Variants in EBNA1BP2 observed in about 807,000 individuals in gnomAD.
EBNA1BP2 encodes the protein probable rRNA-processing protein EBP2.
EBNA1BP2 carries 36 observed loss-of-function variants against 43.5 expected under a neutral mutation model. The ratio of observed to expected loss-of-function variants is 0.83; its 90% CI spans 0.63 to 1.09. The LOEUF (loss-of-function observed/expected upper bound fraction) is 1.09, where lower values mean the gene tolerates loss of function less well. EBNA1BP2 is among the 50% of genes least tolerant of loss of function. The pLI, the probability that EBNA1BP2 is intolerant of heterozygous loss-of-function variation, is 0.00. For missense variants in EBNA1BP2, 332 were observed against 379.1 expected, an observed-to-expected ratio of 0.88 and a Z score of 1.03; for synonymous variants, 127 against 141.3, an observed-to-expected ratio of 0.90 and a Z score of 0.72.
chr1:43,172,232 C>T lies in EBNA1BP2; in HGVS notation c.-114G>A. 1 of 1,568,844 alleles carries T rather than the reference C, an allele frequency of 6.4e-7. No individual in the cohort carries two copies. Among genetic ancestry groups the T allele is most frequent in the Non-Finnish European group, 8.7e-7 (1 of 1,156,006 alleles). On this transcript the variant is annotated 5_prime_UTR_variant, in exon 1 of 9. The change creates a new upstream start codon in the 5' untranslated region. Coordinates refer to ENST00000236051, the MANE Select transcript of EBNA1BP2 (RefSeq NM_006824.3). The stretch of plus-strand genomic sequence containing the variant: ...GCCTGCCTTCAGCCCCCTACTCCCA[C>T]GCCGTGGCTCCACGTGCCACCGAAT...
At chr1:43,169,385 C>T (rs1328505678) in intron 4 of EBNA1BP2, among the ~76,000 whole-genome samples, 1 of 152,176 alleles carries the variant, frequency 6.6e-6, no homozygotes, top group Non-Finnish European at 1.5e-5. Context: ...ATACCACATA[C>T]ACAATAAAAA....
At position 43,171,468 on chromosome 1, in the gene EBNA1BP2, A is replaced by G. The variant is rs762554797; in HGVS notation, c.323+11T>C. 1.9e-6 allele frequency: 3 copies of G among 1,596,142 alleles called. No individual in the cohort carries two copies. The South Asian group carries it at 3.4e-5, about 18-fold the overall frequency. On this transcript the variant is annotated intron_variant, in intron 3 of 8. Transcript: ENST00000236051. Reference sequence around the variant, plus strand: ...ATCCTCAACTTCTCCAACATTTGAAAACAAACATACAAACTCATCTCTCGC... The same window carrying G: ...ATCCTCAACTTCTCCAACATTTGAAGACAAACATACAAACTCATCTCTCGC...
At position 43,164,634 on chromosome 1, in the gene EBNA1BP2, C is replaced by T; in HGVS notation, c.870+9G>A. ...CCTGCTCCTCACCCGGGCACCTGGG[C>T]TCACTTACATTTGACCCTTTCTTGC... On this transcript the variant is annotated intron_variant, in intron 8 of 8. Transcript: ENST00000236051. 6.2e-7 allele frequency: 1 copy of T among 1,614,086 alleles called. No individual in the cohort carries two copies. Among genetic ancestry groups the T allele is most frequent in the East Asian group, 2.2e-5 (1 of 44,886 alleles).
chr1:43,164,933 A>C, intron 7 of EBNA1BP2, 128 bp from the exon 8 acceptor site: 479 of 1,148,776 alleles, frequency 4.2e-4, no homozygotes, highest in Non-Finnish European at 4.8e-4. Context: ...CCAGAATCTC[A>C]TCCTTGGCCC....
upstream of EBNA1BP2, chr1:43,172,344 G>A: frequency 6.4e-7 from 1 of 1,551,608 alleles, no homozygotes; most frequent in Non-Finnish European, 8.7e-7. Flanking sequence ...CCGGTTTGTC[G>A]TTGCTATAGG....
Position 43,164,478 on chromosome 1 carries a change from G to A in EBNA1BP2, c.886C>T (p.Arg296Ter), listed in dbSNP as rs369373223. 2.5e-5 allele frequency: 40 copies of A among 1,613,974 alleles called. No individual in the cohort carries two copies. The highest frequency in any genetic ancestry group is 1.6e-4 in the Middle Eastern group (1 of 6,084). ...CTGTTCTTCATCTTCTCTCTTGTTC[G>A]TTTTCCAGGTCTCTTCTACAGAAAA... ...KKGSNKRPGKRTREKMKNRTH is the reference protein window; with the variant it reads ...KKGSNKRPGK The change falls in exon 9 of 9, where the codon CGA becomes TGA. Residue 296 changes from arginine to a stop codon, truncating the protein, a stop_gained. Transcript: ENST00000236051. LOFTEE classifies it high-confidence loss of function.
At chr1:43,164,621 C>T in intron 8 of EBNA1BP2, 22 bp downstream of exon 8, 1 of 1,613,940 alleles carries the variant, frequency 6.2e-7, no homozygotes, top group Non-Finnish European at 8.5e-7. Context: ...TGCTCCTCAC[C>T]CGGGCACCTG....
In EBNA1BP2 at chr1:43,171,907, C is replaced by T. The variant is rs1323753293; in HGVS notation, c.129G>A (p.Pro43=). ...TCACCACGTCGTTCACGGCCTTCTT[C>T]GGCCCCTCTAGCACGACATTGAGGC... ...KPGLNVVLEG[P]KKAVNDVNGL... is the part of the protein sequence containing the mutation. Residue 43 remains proline (P), a synonymous_variant, in exon 2 of 9, where the codon CCG becomes CCA. Coordinates refer to ENST00000236051, the MANE Select transcript of EBNA1BP2 (RefSeq NM_006824.3). 1 of 1,614,128 alleles carries T rather than the reference C, an allele frequency of 6.2e-7. No homozygotes were observed.
intron 4 of EBNA1BP2, among the ~76,000 whole-genome samples, chr1:43,170,155 T>A (rs1427009267): frequency 6.6e-6 from 1 of 151,652 alleles, no homozygotes; most frequent in Non-Finnish European, 1.5e-5. Flanking sequence ...GAAAATTCAG[T>A]TTTCCTTTTG....
chr1:43,170,778 T>C lies in EBNA1BP2; in HGVS notation c.425A>G (p.Lys142Arg), dbSNP rs900982518. The C allele has an allele frequency of 1.9e-6, 3 of 1,607,648 alleles. No homozygotes were observed. The highest frequency in any genetic ancestry group is 2.5e-6 in the Non-Finnish European group (3 of 1,177,410). The change falls in exon 4 of 9, where the codon AAA becomes AGA. Residue 142 changes from lysine to arginine, a missense_variant. Physicochemically the swap from Lys to Arg is conservative, Grantham distance 26. Around this residue, in one of 3 missense-constraint regions of EBNA1BP2, gnomAD observed 91 missense variants for 152.1 expected, o/e 0.60. Coordinates refer to ENST00000236051, the MANE Select transcript of EBNA1BP2 (RefSeq NM_006824.3). ...TACCTTCTGCATCTGCAGATCAGAT[T>C]TGGCCATTTCCGCAAAATAATCAGT... is the stretch of plus-strand genomic sequence containing the variant. Reference protein sequence around the residue: ...RPTDYFAEMAKSDLQMQKIRQ... With the variant: ...RPTDYFAEMARSDLQMQKIRQ...
chr1:43,164,842 G>A (rs756450746), intron 7 of EBNA1BP2, 37 bp from the exon 8 acceptor site: 3 of 1,605,686 alleles, frequency 1.9e-6, no homozygotes, highest in South Asian at 2.2e-5. Context: ...CTACAGCACT[G>A]TAAAGCCTGA....
intron 7 of EBNA1BP2, 71 bp downstream of exon 7, chr1:43,166,755 T>C: frequency 6.8e-7 from 1 of 1,469,076 alleles, no homozygotes; most frequent in East Asian, 2.3e-5. Context: ...GTGCTATGTC[T>C]GCCATACTCG....
chr1:43,170,941 C>T (rs1313050749), intron 3 of EBNA1BP2, 62 bp from the exon 4 acceptor site: 2 of 1,474,322 alleles, frequency 1.4e-6, no homozygotes, highest in African/African-American at 2.9e-5. Flanking sequence ...TTCCTTTTCA[C>T]CGCCAATCAT....
upstream of EBNA1BP2, chr1:43,172,496 A>T (rs1645001495): frequency 1.5e-6 from 2 of 1,340,574 alleles, no homozygotes; most frequent in Non-Finnish European, 2.0e-6. Context: ...AGCTGGTAGC[A>T]GTGAGGGTAC....
chr1:43,169,063 G>T, intron 4 of EBNA1BP2, 35 bp from the exon 5 acceptor site: 1 of 1,597,592 alleles, frequency 6.3e-7, no homozygotes, highest in South Asian at 1.1e-5. Flanking sequence ...CATGTCATTT[G>T]AATCTGGAAT....
chr1:43,166,760 T>C (rs1219242435), intron 7 of EBNA1BP2, 66 bp downstream of exon 7: 3 of 1,497,592 alleles, frequency 2.0e-6, no homozygotes, highest in East Asian at 2.3e-5. Context: ...ATGTCTGCCA[T>C]ACTCGTGACC....
At chr1:43,168,773 T>G (rs1262141151) in intron 5 of EBNA1BP2, among the ~76,000 whole-genome samples, 166 bp downstream of exon 5, 1 of 152,124 alleles carries the variant, frequency 6.6e-6, no homozygotes, top group Non-Finnish European at 1.5e-5. Context: ...GAACCACTCA[T>G]GTCCAGGCAA....
chr1:43,164,620 C>A (rs750953145), intron 8 of EBNA1BP2, 23 bp downstream of exon 8: 1 of 1,613,834 alleles, frequency 6.2e-7, no homozygotes, highest in Non-Finnish European at 8.5e-7. Flanking sequence ...CTGCTCCTCA[C>A]CCGGGCACCT....
intron 5 of EBNA1BP2, among the ~76,000 whole-genome samples, chr1:43,167,901 C>T (rs1644929344): frequency 6.6e-6 from 1 of 151,944 alleles, no homozygotes; most frequent in Non-Finnish European, 1.5e-5. Flanking sequence ...CCAGTAGTAC[C>T]CTCCCTCCCA....
Sources: allele counts gnomAD v4.1 joint callset (sites outside exome capture counted in the v4.1 genomes callset), GRCh38; gene constraint gnomAD v4.1.1; regional missense constraint gnomAD v4.1.1; transcripts MANE v1.5; gene names NCBI Gene and HGNC (gene_info 2026-07-23, HGNC 2026-07-21).